PRKCB: variants seen among roughly 807,000 people sequenced by gnomAD.
The protein encoded by PRKCB is protein kinase C beta, also known as protein kinase C beta type.
PRKCB carries 13 observed loss-of-function variants against 81.5 expected under a neutral mutation model. The ratio of observed to expected loss-of-function variants is 0.16; its 90% confidence interval spans 0.10 to 0.25. PRKCB has a LOEUF of 0.25. PRKCB is among the 10% of genes least tolerant of loss of function. PRKCB has a pLI of 1.00. For missense variants in PRKCB, 509 were observed against 875.7 expected, an observed-to-expected ratio of 0.58 and a Z score of 5.29; for synonymous variants, 335 against 321.4, an observed-to-expected ratio of 1.04 and a Z score of -0.45.
intron 2 of PRKCB, among the ~76,000 whole-genome samples, chr16:23,894,742 T>C (rs1304910013): frequency 6.6e-6 from 1 of 152,210 alleles, no homozygotes; most frequent in African/African-American, 2.4e-5. Context: ...AGCAATGTGG[T>C]ACCTTTATCA....
intron 2 of PRKCB, among the ~76,000 whole-genome samples, chr16:23,857,536 T>A (rs1387305961): frequency 6.6e-6 from 1 of 152,098 alleles, no homozygotes; most frequent in Non-Finnish European, 1.5e-5. Context: ...GTGTGCCTGA[T>A]AGGTGGGGGC....
intron 13 of PRKCB, among the ~76,000 whole-genome samples, chr16:24,183,781 A>G (rs1967662599): frequency 1.3e-5 from 2 of 152,196 alleles, no homozygotes; most frequent in Non-Finnish European, 2.9e-5. Flanking sequence ...AGACTGCCTA[A>G]CCCTCAGACC....
intron 2 of PRKCB, among the ~76,000 whole-genome samples, chr16:23,944,744 C>T (rs147056043): frequency 6.6e-6 from 1 of 152,220 alleles, no homozygotes; most frequent in Non-Finnish European, 1.5e-5. Context: ...TCTCAATTTT[C>T]CTCCATCACC....
intron 13 of PRKCB, among the ~76,000 whole-genome samples, chr16:24,181,731 G>C (rs889414845): frequency 8.3e-6 from 1 of 121,000 alleles, no homozygotes; most frequent in Non-Finnish European, 1.6e-5. Flanking sequence ...TTATGCCACT[G>C]CACTCCAGCC....
intron 10 of PRKCB, among the ~76,000 whole-genome samples, chr16:24,165,735 T>C (rs898555212): frequency 1.1e-4 from 17 of 152,322 alleles, no homozygotes; most frequent in Non-Finnish European, 5.9e-5. Context: ...TGAATTTCCA[T>C]TTATGACTTT....
rs10577968 is a variant in PRKCB, at chr16:23,875,617, CATAT to C, written c.205+38214_205+38217del. On this transcript the variant is annotated intron_variant, in intron 2 of 16. Coordinates refer to ENST00000643927, the MANE Select transcript of PRKCB (RefSeq NM_002738.7). ...CACACATATGTATGTATATCACACA[CATAT>C]ATGTATGTATATCACACATATATGT... Among the ~76,000 whole-genome samples the C allele has an allele frequency of 9.1e-5, 3 of 33,122 alleles. 1 individual carries two copies. The highest frequency in any genetic ancestry group is 1.5e-3 in the East Asian group (1 of 658). The allele number at this position is 33,122 out of a possible 152,430, so 21.7% of individuals were successfully genotyped here.
At chr16:24,083,078 A>G (rs984009739) in intron 5 of PRKCB, among the ~76,000 whole-genome samples, 1 of 152,244 alleles carries the variant, frequency 6.6e-6, no homozygotes, top group Non-Finnish European at 1.5e-5. Context: ...ATTCATGGAA[A>G]GATATTCAAT....
chr16:24,067,554 C>T (rs1215345895), intron 5 of PRKCB, among the ~76,000 whole-genome samples: 2 of 152,166 alleles, frequency 1.3e-5, no homozygotes, highest in Non-Finnish European at 2.9e-5. Context: ...CCATGTTTGC[C>T]TGTCAAAGTG....
intron 8 of PRKCB, among the ~76,000 whole-genome samples, chr16:24,117,961 G>C (rs1298426870): frequency 6.6e-6 from 1 of 152,240 alleles, no homozygotes; most frequent in Non-Finnish European, 1.5e-5. Context: ...AATGTGCCCT[G>C]TGCGCTGTGC....
At chr16:23,943,332 G>A (rs1008851636) in intron 2 of PRKCB, among the ~76,000 whole-genome samples, 4 of 152,060 alleles carry the variant, frequency 2.6e-5, no homozygotes, top group Non-Finnish European at 4.4e-5. Flanking sequence ...CAAGACCAAC[G>A]TGGACAACAT....
At chr16:23,875,506 T>TATATATATATATATATAA (rs1567298316) in intron 2 of PRKCB, among the ~76,000 whole-genome samples, 1 of 27,810 alleles carries the variant, frequency 3.6e-5, no homozygotes, top group African/African-American at 2.8e-4. Context: ...TATATATATA[T>TATATATATATATATATAA]GATGTATATC....
chr16:24,144,950 A>G (rs997032871), intron 9 of PRKCB, among the ~76,000 whole-genome samples: 6 of 152,222 alleles, frequency 3.9e-5, no homozygotes, highest in African/African-American at 1.2e-4. Context: ...ATAAAAATAA[A>G]CAGATAGATA....
intron 16 of PRKCB, among the ~76,000 whole-genome samples, chr16:24,196,132 C>G (rs1352809823): frequency 6.6e-6 from 1 of 152,176 alleles, no homozygotes; most frequent in Non-Finnish European, 1.5e-5. Flanking sequence ...TCATGCCTGT[C>G]TTTTTGACTA....
chr16:24,096,666 A>AAAAAAAAAAAAATATAT (rs1406204037), intron 7 of PRKCB, among the ~76,000 whole-genome samples: 2 of 32,706 alleles, frequency 6.1e-5, no homozygotes. Context: ...AAAAAAAAAA[A>AAAAAAAAAAAAATATAT]ATATATATAT....
At chr16:24,091,620 C>CTTT (rs67333744) in intron 5 of PRKCB, among the ~76,000 whole-genome samples, 8,216 of 149,412 alleles carry the variant, frequency 0.055, 653 homozygotes, top group African/African-American at 0.17. Context: ...GTAAGTTCAT[C>CTTT]TTTTTTTTTT....
Position 24,077,778 on chromosome 16 carries a change from G to T in PRKCB, c.530-15013G>T, listed in dbSNP as rs116744498. Reference sequence around the variant, plus strand: ...AGAAACAGGAAACTTGTCTTCAAATGGTAGCCCTTTTCCCTGACTGTCTGA... The same window carrying T: ...AGAAACAGGAAACTTGTCTTCAAATTGTAGCCCTTTTCCCTGACTGTCTGA... On this transcript the variant is annotated intron_variant, in intron 5 of 16. Coordinates refer to ENST00000643927, the MANE Select transcript of PRKCB (RefSeq NM_002738.7). Among the ~76,000 whole-genome samples the T allele has an allele frequency of 7.9e-3, 1,203 of 152,300 alleles. 21 individuals are homozygous for T. The highest frequency in any genetic ancestry group is 0.027 in the African/African-American group (1,128 of 41,550).
At chr16:23,895,582 A>T (rs950295945) in intron 2 of PRKCB, among the ~76,000 whole-genome samples, 2 of 152,048 alleles carry the variant, frequency 1.3e-5, no homozygotes, top group Non-Finnish European at 2.9e-5. Context: ...TACATTTCTA[A>T]TGTACTTTTA....
chr16:23,890,008 T>G (rs765153182), intron 2 of PRKCB, among the ~76,000 whole-genome samples: 1 of 152,266 alleles, frequency 6.6e-6, no homozygotes, highest in Non-Finnish European at 1.5e-5. Flanking sequence ...GAAAAAGGAC[T>G]TATTCACTTA....
Position 24,092,996 on chromosome 16 carries a change from G to A in PRKCB, c.686+49G>A. On this transcript the variant is annotated intron_variant, in intron 6 of 16. Transcript: ENST00000643927. ...GCATGGGTGGTGGAGGTTGGGTTATGTGCCACCTGAAATCAGGGAGTTCCT... is the reference window on the plus strand; with the variant it reads ...GCATGGGTGGTGGAGGTTGGGTTATATGCCACCTGAAATCAGGGAGTTCCT... 7 of 1,576,616 alleles carry A rather than the reference G, an allele frequency of 4.4e-6. No individual in the cohort carries two copies. The South Asian group carries it at 8.1e-5, about 18-fold the overall frequency.
Sources: allele counts gnomAD v4.1 joint callset (sites outside exome capture counted in the v4.1 genomes callset), GRCh38; gene constraint gnomAD v4.1.1; transcripts MANE v1.5; gene names NCBI Gene and HGNC (gene_info 2026-07-23, HGNC 2026-07-21).